The following MYPN variants were observed in gnomAD, a reference collection of about 807,000 sequenced individuals.
MYPN encodes myopalladin.
A neutral mutation model predicts 129.4 loss-of-function variants in MYPN; 63 were observed. That is an observed-to-expected ratio of 0.49 (90% CI 0.40 to 0.60). The LOEUF (loss-of-function observed/expected upper bound fraction) is 0.60, where lower values mean the gene tolerates loss of function less well. MYPN is among the 20% of genes least tolerant of loss of function. The probability of loss-of-function intolerance (pLI) is 0.00; values close to 1 mark genes in which losing one functional copy is unlikely to be tolerated. For missense variants in MYPN, 1,596 were observed against 1,635.4 expected, an observed-to-expected ratio of 0.98 and a Z score of 0.42; for synonymous variants, 629 against 600.9, an observed-to-expected ratio of 1.05 and a Z score of -0.68.
intron 5 of MYPN, among the ~76,000 whole-genome samples, chr10:68,148,987 A>G (rs539011970): frequency 1.4e-4 from 21 of 152,290 alleles, no homozygotes; most frequent in African/African-American, 3.8e-4. Context: ...GCACTTTGGG[A>G]GGCCAAGGTG....
intron 10 of MYPN, among the ~76,000 whole-genome samples, chr10:68,173,317 G>A (rs10997974): frequency 0.05 from 7,690 of 152,282 alleles, 235 homozygotes; most frequent in Middle Eastern, 0.068. Context: ...ACACTGGCAT[G>A]TAGCTCAGTG....
At chr10:68,122,375 T>C (rs746610766) in intron 2 of MYPN, 35 bp downstream of exon 2, 3 of 1,603,978 alleles carry the variant, frequency 1.9e-6, no homozygotes, top group South Asian at 1.1e-5. Context: ...TGAGTAATGT[T>C]GCTTTCCATC....
intron 16 of MYPN, 72 bp downstream of exon 16, chr10:68,197,550 G>T: frequency 3.2e-6 from 5 of 1,575,114 alleles, no homozygotes; most frequent in Admixed American, 1.8e-5. Context: ...ATTTTTATTT[G>T]TATTTGTTTT....
At chr10:68,128,807 T>G (rs1317122334) in intron 2 of MYPN, among the ~76,000 whole-genome samples, 1 of 152,146 alleles carries the variant, frequency 6.6e-6, no homozygotes, top group Admixed American at 6.5e-5. Context: ...GGCAAAGTAG[T>G]CTGTGGGGAA....
rs774668511 is a variant in MYPN, at chr10:68,201,779, TC to T, written c.3494-49del. 11 of 1,576,536 alleles carry T rather than the reference TC, an allele frequency of 7.0e-6. No individual in the cohort carries two copies. In the Admixed American group the frequency reaches 7.2e-5, roughly 10 times the overall value. ...CTGGGTGACAGAGCAAGACTCTGTC[TC>T]AAAAAAAAAAAAAAGAAAGAAAAAA... On this transcript the variant is annotated intron_variant, in intron 17 of 19. Transcript: ENST00000358913.
rs146525450 is a variant in MYPN, at chr10:68,141,362, G to A, written c.903-1578G>A. Among the ~76,000 whole-genome samples the A allele has an allele frequency of 9.0e-3, 1,334 of 148,894 alleles. 23 individuals carry two copies. The highest frequency in any genetic ancestry group is 0.031 in the African/African-American group (1,243 of 40,542). ...CCAATCTGGTGACAGAGCAAGACTCGGTCTCAAAAAAAAAAAAAAAGAATA... is the reference window on the plus strand; with the variant it reads ...CCAATCTGGTGACAGAGCAAGACTCAGTCTCAAAAAAAAAAAAAAAGAATA... On this transcript the variant is annotated intron_variant, in intron 2 of 19. Coordinates refer to ENST00000358913, the MANE Select transcript of MYPN (RefSeq NM_032578.4).
intron 2 of MYPN, among the ~76,000 whole-genome samples, chr10:68,125,546 C>G (rs2042313737): frequency 6.6e-6 from 1 of 152,148 alleles, no homozygotes; most frequent in African/African-American, 2.4e-5. Context: ...GTGTTCGGCA[C>G]AGTGATCAAT....
At chr10:68,127,319 C>CTTTTTTTTTTTT in intron 2 of MYPN, among the ~76,000 whole-genome samples, 1 of 72,540 alleles carries the variant, frequency 1.4e-5, no homozygotes, top group Non-Finnish European at 2.4e-5. Context: ...ACACATATAT[C>CTTTTTTTTTTTT]TTTTTTTTTT....
intron 2 of MYPN, chr10:68,136,511 C>T (rs2042489462): frequency 3.6e-6 from 5 of 1,375,124 alleles, no homozygotes; most frequent in African/African-American, 1.5e-5. Context: ...AAATTTAATA[C>T]CTTTTCAGAA....
chr10:68,126,769 G>A (rs921028425), intron 2 of MYPN, among the ~76,000 whole-genome samples: 1 of 152,128 alleles, frequency 6.6e-6, no homozygotes, highest in Non-Finnish European at 1.5e-5. Context: ...GGAGGAGGTC[G>A]ATGGGAATTT....
Position 68,166,679 on chromosome 10 carries a change from T to TAGGATGAATA in MYPN, c.1973+15_1973+24dup, listed in dbSNP as rs767320381. Reference sequence around the variant, plus strand: ...CCAAACCCAAACTGTAAGTAAAAAGTAGGATGAATAACCAGGAGCTTCTGT... The same window carrying TAGGATGAATA: ...CCAAACCCAAACTGTAAGTAAAAAGTAGGATGAATAAGGATGAATAACCAGGAGCTTCTGT... On this transcript the variant is annotated intron_variant, in intron 10 of 19. Transcript: ENST00000358913. 2 of 1,613,460 alleles carry TAGGATGAATA rather than the reference T, an allele frequency of 1.2e-6. No individual in the cohort carries two copies. Among genetic ancestry groups the TAGGATGAATA allele is most frequent in the South Asian group, 2.2e-5 (2 of 91,056 alleles).
chr10:68,199,297 TA>T, intron 16 of MYPN, 70 bp from the exon 17 acceptor site: 1 of 1,465,342 alleles, frequency 6.8e-7, no homozygotes, highest in African/African-American at 1.4e-5. Context: ...CAAGCAAGGA[TA>T]AAGAATTCAG....
Position 68,189,058 on chromosome 10 carries a change from CA to C in MYPN, c.2858del (p.His953ProfsTer42). 6.2e-7 allele frequency: 1 copy of C among 1,614,128 alleles called. No homozygotes were observed. ...IAPIFDKRLK[H>X]FRVTEGSPVT... ...TCCCATCTTTGACAAGAGACTCAAG[CA>C]CTTCCGGGTCACAGAAGGCTCTCCA... On this transcript the variant is annotated frameshift_variant, in exon 13 of 20. Coordinates refer to ENST00000358913, the MANE Select transcript of MYPN (RefSeq NM_032578.4). LOFTEE classifies it high-confidence loss of function.
At chr10:68,132,850 G>A (rs1274503948) in intron 2 of MYPN, among the ~76,000 whole-genome samples, 1 of 152,098 alleles carries the variant, frequency 6.6e-6, no homozygotes, top group Admixed American at 6.6e-5. Context: ...AATGACCTCA[G>A]TAAGAGCAGT....
At chr10:68,165,062 G>C (rs1217450020) in intron 8 of MYPN, among the ~76,000 whole-genome samples, 3 of 152,108 alleles carry the variant, frequency 2.0e-5, no homozygotes, top group Admixed American at 2.0e-4. Context: ...ATTTGTTTTT[G>C]TGATTTTTTA....
At position 68,130,234 on chromosome 10, in the gene MYPN, C is replaced by A. The variant is rs1046104522; in HGVS notation, c.902+7894C>A. ...CAGCACTTTGGGAGGCCGAGGCAGG[C>A]GGATCACCTGAGGTCAGGAGTTCGA... On this transcript the variant is annotated intron_variant, in intron 2 of 19. Coordinates refer to ENST00000358913, the MANE Select transcript of MYPN (RefSeq NM_032578.4). 3.3e-5 allele frequency among the ~76,000 whole-genome samples: 5 copies of A among 152,124 alleles called. No homozygotes were observed. In the South Asian group the frequency reaches 8.3e-4, roughly 25 times the overall value.
At chr10:68,143,229 C>T (rs368803333) in intron 3 of MYPN, 114 bp downstream of exon 3, 4 of 986,240 alleles carry the variant, frequency 4.1e-6, no homozygotes, top group Non-Finnish European at 4.6e-6. Context: ...AATGAGGATA[C>T]AGCAGTGAAC....
Position 68,206,752 on chromosome 10 carries a change from TTC to T in MYPN, c.3660-12_3660-11del. The T allele has an allele frequency of 1.2e-6, 2 of 1,614,110 alleles. No individual in the cohort carries two copies. The highest frequency in any genetic ancestry group is 1.7e-6 in the Non-Finnish European group (2 of 1,179,974). The stretch of plus-strand genomic sequence containing the variant: ...TGCCCCCCGATAAAATATAGGTATA[TTC>T]TCTCTTTTTCTCCAGTATGCACCAG... On this transcript the variant is annotated splice_polypyrimidine_tract_variant and intron_variant, in intron 18 of 19. Transcript: ENST00000358913.
At chr10:68,164,552 C>T (rs2043026247) in intron 8 of MYPN, among the ~76,000 whole-genome samples, 1 of 152,214 alleles carries the variant, frequency 6.6e-6, no homozygotes. Context: ...ATTCAATTAT[C>T]ATGAAGCACT....
Sources: allele counts gnomAD v4.1 joint callset (sites outside exome capture counted in the v4.1 genomes callset), GRCh38; gene constraint gnomAD v4.1.1; transcripts MANE v1.5; gene names NCBI Gene and HGNC (gene_info 2026-07-23, HGNC 2026-07-21).